Variants in HEATR5B observed in about 807,000 individuals in gnomAD.
The protein encoded by HEATR5B is HEAT repeat-containing protein 5B.
HEATR5B carries 156 observed loss-of-function variants against 224.1 expected under a neutral mutation model. The ratio of observed to expected loss-of-function variants is 0.70; its 90% CI spans 0.61 to 0.80. HEATR5B has a LOEUF of 0.80. Among genes scored for constraint, HEATR5B ranks in the 30% least tolerant of loss-of-function variants. The pLI is 0.00. For missense variants in HEATR5B, 2,323 were observed against 2,535.5 expected (o/e 0.92, Z 1.80); for synonymous variants, 1,027 against 893.0 (o/e 1.15, Z -2.68).
chr2:37,037,124 G>A (rs1322301742), intron 21 of HEATR5B, among the ~76,000 whole-genome samples: 2 of 92,732 alleles, frequency 2.2e-5, no homozygotes, highest in South Asian at 3.9e-4. Context: ...ATAAAATTCC[G>A]AGTAGGAAAA....
In HEATR5B at chr2:37,079,478, T is replaced by G. The variant is rs965749086; in HGVS notation, c.127-147A>C. 5.8e-6 allele frequency: 3 copies of G among 516,066 alleles called. No individual in the cohort carries two copies. The African/African-American group carries it at 5.9e-5, about 10-fold the overall frequency. The allele number at this position is 516,066 out of a possible 1,614,324, so 32.0% of individuals were successfully genotyped here. A position where few individuals can be genotyped will look rare whatever the true frequency, so the allele number is the denominator to read the frequency against. ...ACATAAACCGTGAGAATTTTCAAGT[T>G]AATGAAAAGTTCTGTAAGAAATGAG... On this transcript the variant is annotated intron_variant, in intron 2 of 35. Transcript: ENST00000233099.
In HEATR5B at chr2:37,008,603, A is replaced by G; in HGVS notation, c.4522+8T>C. ...CCATAAAAGTAAAACTCAGAATGTA[A>G]TACTCACCATCTGGAGGAAGCTGAC... On this transcript the variant is annotated splice_region_variant and intron_variant, in intron 28 of 35. Coordinates refer to ENST00000233099, the MANE Select transcript of HEATR5B (RefSeq NM_019024.3). 6.3e-7 allele frequency: 1 copy of G among 1,579,498 alleles called. No homozygotes were observed. Among genetic ancestry groups the G allele is most frequent in the South Asian group, 1.1e-5 (1 of 90,390 alleles).
At chr2:36,996,988 C>A (rs1256445401) in intron 33 of HEATR5B, among the ~76,000 whole-genome samples, 2 of 152,094 alleles carry the variant, frequency 1.3e-5, no homozygotes, top group Non-Finnish European at 2.9e-5. Context: ...CTCCTAAGTG[C>A]TGGGATTCAG....
intron 4 of HEATR5B, 57 bp downstream of exon 4, chr2:37,076,854 T>C (rs1038179667): frequency 2.4e-6 from 3 of 1,275,166 alleles, no homozygotes; most frequent in Admixed American, 3.6e-5. Context: ...ATATTTTAGC[T>C]GACATCTAAC....
At chr2:36,994,488 A>C (rs1167044317) in intron 33 of HEATR5B, among the ~76,000 whole-genome samples, 1 of 152,198 alleles carries the variant, frequency 6.6e-6, no homozygotes, top group Non-Finnish European at 1.5e-5. Context: ...CTTGTTAAGC[A>C]AGGGATCTGC....
intron 14 of HEATR5B, among the ~76,000 whole-genome samples, 176 bp downstream of exon 14, chr2:37,058,275 G>A (rs920843818): frequency 7.2e-5 from 11 of 152,082 alleles, no homozygotes; most frequent in African/African-American, 2.2e-4. Context: ...GGCTGAAAAC[G>A]AGACCCAGAA....
intron 19 of HEATR5B, chr2:37,040,923 G>A: frequency 2.0e-6 from 1 of 496,300 alleles, no homozygotes; most frequent in Non-Finnish European, 3.5e-6. Context: ...AAATATGTTT[G>A]AAGGAATGTA....
At chr2:37,075,688 C>T (rs567297862) in intron 4 of HEATR5B, 54 bp from the exon 5 acceptor site, 110 of 1,443,690 alleles carry the variant, frequency 7.6e-5, no homozygotes, top group Middle Eastern at 7.3e-4. Context: ...CATATTTAAA[C>T]AAGAACACAC....
At chr2:36,983,203 A>G (rs1305214601) in intron 35 of HEATR5B, among the ~76,000 whole-genome samples, 1 of 152,112 alleles carries the variant, frequency 6.6e-6, no homozygotes, top group Admixed American at 6.6e-5. Flanking sequence ...AATCTTCTAG[A>G]TTTAGTTCAA....
intron 6 of HEATR5B, among the ~76,000 whole-genome samples, chr2:37,070,977 T>G (rs1279979408): frequency 6.6e-6 from 1 of 152,214 alleles, no homozygotes; most frequent in Non-Finnish European, 1.5e-5. Flanking sequence ...ACAGAACAGT[T>G]TTTAGAAAAA....
Position 37,040,338 on chromosome 2 carries a change from C to T in HEATR5B, c.3037G>A (p.Glu1013Lys). The change falls in exon 20 of 36, where the codon GAA becomes AAA. Residue 1013 changes from glutamate (E) to lysine (K), a missense_variant. Coordinates refer to ENST00000233099, the MANE Select transcript of HEATR5B (RefSeq NM_019024.3). ...LGAIITTVGP[E>K]LQGNGATTST... The stretch of plus-strand genomic sequence containing the variant: ...CAGATGATTTACTTACCTTGTAGTT[C>T]AGGGCCAACAGTAGTTATTATAGCA... The T allele has an allele frequency of 6.2e-7, 1 of 1,612,652 alleles. No homozygotes were observed. The highest frequency in any genetic ancestry group is 8.5e-7 in the Non-Finnish European group (1 of 1,179,306).
rs1479103004 is a variant in HEATR5B at position 37,013,999 on chromosome 2, T to G, written c.4126A>C (p.Ser1376Arg). ...TCATTGAGATCACTGACAACTCCAC[T>G]TCCTATCCATGTACTACATACCTAG... is the stretch of plus-strand genomic sequence containing the variant. ...ACQVCSTWIG[S>R]GVVSDLNDLR... Residue 1376 changes from serine (S) to arginine (R), a missense_variant, in exon 27 of 36, where the codon AGT (serine) becomes CGT (arginine). By Grantham distance (110) the Ser-to-Arg change is moderately radical. Coordinates refer to ENST00000233099, the MANE Select transcript of HEATR5B (RefSeq NM_019024.3). The G allele has an allele frequency of 6.2e-7, 1 of 1,601,704 alleles. No homozygotes were observed. The highest frequency in any genetic ancestry group is 8.5e-7 in the Non-Finnish European group (1 of 1,173,116).
chr2:37,021,322 C>G (rs1040714604), intron 24 of HEATR5B, among the ~76,000 whole-genome samples: 1 of 152,140 alleles, frequency 6.6e-6, no homozygotes, highest in Non-Finnish European at 1.5e-5. Flanking sequence ...TCATTTTAAG[C>G]CAGGTTCCCA....
intron 5 of HEATR5B, among the ~76,000 whole-genome samples, chr2:37,072,601 T>G (rs941149923): frequency 6.6e-6 from 1 of 151,952 alleles, no homozygotes; most frequent in East Asian, 1.9e-4. Context: ...AAAAACTAGA[T>G]GAAGGAGAGC....
At position 37,013,935 on chromosome 2, in the gene HEATR5B, T is replaced by C; in HGVS notation, c.4190A>G (p.Asp1397Gly). 6.2e-7 allele frequency: 1 copy of C among 1,613,166 alleles called. No homozygotes were observed. The highest frequency in any genetic ancestry group is 2.2e-5 in the East Asian group (1 of 44,842). The change falls in exon 27 of 36, where the codon GAC becomes GGC. Residue 1397 changes from aspartate to glycine, a missense_variant. By Grantham distance (94) the Asp-to-Gly change is moderately conservative (BLOSUM62 -1). Coordinates refer to ENST00000233099, the MANE Select transcript of HEATR5B (RefSeq NM_019024.3). The part of the protein sequence containing the change: ...RVHNLLVSSL[D>G]KVQAGKGSSS... ...AGATCCTTTTCCAGCCTGAACTTTG[T>C]CCAGAGAAGAAACAAGAAGATTGTG...
intron 20 of HEATR5B, among the ~76,000 whole-genome samples, 172 bp from the exon 21 acceptor site, chr2:37,038,196 G>A (rs1669631192): frequency 6.6e-6 from 1 of 152,098 alleles, no homozygotes; most frequent in Non-Finnish European, 1.5e-5. Context: ...CTAGAGTGCA[G>A]TGGCGCGATC....
chr2:37,004,969 G>A (rs982654203), intron 30 of HEATR5B, among the ~76,000 whole-genome samples: 4 of 152,062 alleles, frequency 2.6e-5, no homozygotes, highest in Admixed American at 1.3e-4. Context: ...CTGACAGAAT[G>A]ATCCTTCTGA....
chr2:37,070,932 A>G (rs1671866702), intron 6 of HEATR5B, among the ~76,000 whole-genome samples: 1 of 152,216 alleles, frequency 6.6e-6, no homozygotes, highest in Non-Finnish European at 1.5e-5. Context: ...AAGCTTTGGT[A>G]TTTGGCTGCC....
chr2:36,984,215 A>AAAAAAAAAAAATATATAT, intron 35 of HEATR5B, among the ~76,000 whole-genome samples: 2 of 77,638 alleles, frequency 2.6e-5, no homozygotes, highest in African/African-American at 1.2e-4. Flanking sequence ...AAAAAAAAAA[A>AAAAAAAAAAAATATATAT]ATATATATAT....
Sources: gnomAD v4.1 joint callset for allele counts (sites outside exome capture counted in the v4.1 genomes callset) on GRCh38, gnomAD v4.1.1 for gene constraint, MANE v1.5 for transcripts, NCBI Gene and HGNC (gene_info 2026-07-23, HGNC 2026-07-21) for gene names.